Variants in SLC27A6 observed in about 807,000 individuals in gnomAD.
SLC27A6 encodes solute carrier family 27 member 6.
A neutral mutation model predicts 63.9 loss-of-function variants in SLC27A6; 74 were observed. That is an observed-to-expected ratio of 1.16 (90% CI 0.96 to 1.40). The LOEUF is 1.40. Ranked by LOEUF, SLC27A6 falls within the 40% of genes most tolerant of loss-of-function variation. The probability of loss-of-function intolerance (pLI) is 0.00; values close to 1 mark genes in which losing one functional copy is unlikely to be tolerated. For missense variants in SLC27A6, 794 were observed against 732.9 expected, an observed-to-expected ratio of 1.08 and a Z score of -0.96; for synonymous variants, 287 against 260.8, an observed-to-expected ratio of 1.10 and a Z score of -0.97.
At chr5:128,985,821 A>G (rs1048678719) in intron 2 of SLC27A6, among the ~76,000 whole-genome samples, 2 of 152,206 alleles carry the variant, frequency 1.3e-5, no homozygotes, top group Non-Finnish European at 2.9e-5. Context: ...ATTAAATCCT[A>G]AACATAATCC....
chr5:129,028,633 C>T (rs1190907995), intron 8 of SLC27A6, among the ~76,000 whole-genome samples, 191 bp downstream of exon 8: 1 of 150,660 alleles, frequency 6.6e-6, no homozygotes, highest in Non-Finnish European at 1.5e-5. Context: ...GGAAAGGTAC[C>T]AACTGAATTT....
chr5:128,982,578 A>G (rs184346060), intron 1 of SLC27A6, among the ~76,000 whole-genome samples: 9 of 152,360 alleles, frequency 5.9e-5, no homozygotes, highest in Admixed American at 5.9e-4. Context: ...TTGAAATTAA[A>G]GTAATGAGTC....
chr5:128,993,424 G>A (rs545552419), intron 4 of SLC27A6, among the ~76,000 whole-genome samples: 3 of 149,904 alleles, frequency 2.0e-5, no homozygotes, highest in South Asian at 2.1e-4. Context: ...AAGTAAATTC[G>A]ATTATTTACT....
intron 2 of SLC27A6, among the ~76,000 whole-genome samples, chr5:128,988,152 G>A (rs758161022): frequency 2.0e-5 from 3 of 152,130 alleles, no homozygotes; most frequent in Admixed American, 6.5e-5. Flanking sequence ...AAAGTCCTGC[G>A]TAAAAATGAC....
intron 2 of SLC27A6, among the ~76,000 whole-genome samples, chr5:128,988,268 T>C (rs1412121381): frequency 6.6e-6 from 1 of 152,174 alleles, no homozygotes; most frequent in Non-Finnish European, 1.5e-5. Flanking sequence ...CCAAATGCTC[T>C]TTATCAGATA....
intron 5 of SLC27A6, among the ~76,000 whole-genome samples, chr5:129,019,489 T>C (rs1049807550): frequency 4.0e-5 from 6 of 150,724 alleles, no homozygotes; most frequent in Non-Finnish European, 4.4e-5. Flanking sequence ...AAAAAATGAA[T>C]GCACATCAAA....
In SLC27A6 at chr5:129,006,354, T is replaced by A. The variant is rs536599737; in HGVS notation, c.970-9531T>A. Among the ~76,000 whole-genome samples, 23 of 152,146 alleles carry A rather than the reference T, an allele frequency of 1.5e-4. No individual in the cohort carries two copies. In the East Asian group the frequency reaches 4.5e-3, roughly 29 times the overall value. ...ATCTGCCCGCCTCGGTCTCCCAAAGTGCTGGGATTACAGGCATGAGCCACC... is the reference window on the plus strand; with the variant it reads ...ATCTGCCCGCCTCGGTCTCCCAAAGAGCTGGGATTACAGGCATGAGCCACC... On this transcript the variant is annotated intron_variant, in intron 4 of 9. Coordinates refer to ENST00000262462, the MANE Select transcript of SLC27A6 (RefSeq NM_001017372.3).
chr5:128,972,325 T>A (rs541913908), intron 1 of SLC27A6, among the ~76,000 whole-genome samples: 161 of 152,314 alleles, frequency 1.1e-3, no homozygotes, highest in African/African-American at 3.6e-3. Flanking sequence ...CTAGGTAGGG[T>A]AAGTTCTCCT....
At chr5:128,972,190 T>G (rs1024913537) in intron 1 of SLC27A6, among the ~76,000 whole-genome samples, 1 of 152,222 alleles carries the variant, frequency 6.6e-6, no homozygotes, top group Non-Finnish European at 1.5e-5. Flanking sequence ...CTGGCTGCCC[T>G]TAACATTTTT....
intron 4 of SLC27A6, among the ~76,000 whole-genome samples, chr5:129,000,454 T>C (rs1751296426): frequency 6.6e-6 from 1 of 152,162 alleles, no homozygotes; most frequent in East Asian, 1.9e-4. Context: ...GGGATACTTG[T>C]GTGCTCATGA....
chr5:129,027,790 A>G (rs2150155906), intron 7 of SLC27A6, among the ~76,000 whole-genome samples: 1 of 152,222 alleles, frequency 6.6e-6, no homozygotes, highest in South Asian at 2.1e-4. Flanking sequence ...TGAATAAGTA[A>G]CTTCCTACAT....
intron 7 of SLC27A6, 49 bp downstream of exon 7, chr5:129,027,380 G>T (rs1429877326): frequency 7.0e-7 from 1 of 1,419,160 alleles, no homozygotes; most frequent in Non-Finnish European, 9.9e-7. Context: ...TGTGAACCAT[G>T]CTTCTATAGA....
chr5:129,027,872 C>G (rs73242166), intron 7 of SLC27A6, among the ~76,000 whole-genome samples: 225 of 152,088 alleles, frequency 1.5e-3, no homozygotes, highest in African/African-American at 5.3e-3. Flanking sequence ...AATATTCATT[C>G]AAAAGCATTA....
intron 1 of SLC27A6, among the ~76,000 whole-genome samples, chr5:128,968,343 T>G (rs1749992075): frequency 6.6e-6 from 1 of 152,194 alleles, no homozygotes; most frequent in African/African-American, 2.4e-5. Context: ...CCACACCGTC[T>G]TCCACAATGG....
chr5:128,975,275 C>G (rs745762986), intron 1 of SLC27A6, among the ~76,000 whole-genome samples: 2 of 152,222 alleles, frequency 1.3e-5, no homozygotes, highest in Non-Finnish European at 2.9e-5. Context: ...CATTTGAACA[C>G]AGGAGGCAGA....
chr5:128,998,622 T>C (rs967283367), intron 4 of SLC27A6, among the ~76,000 whole-genome samples: 1 of 152,124 alleles, frequency 6.6e-6, no homozygotes, highest in African/African-American at 2.4e-5. Flanking sequence ...GATTATGTAT[T>C]CTTATTGTAG....
At chr5:128,985,724 T>C (rs1257015885) in intron 2 of SLC27A6, among the ~76,000 whole-genome samples, 1 of 152,220 alleles carries the variant, frequency 6.6e-6, no homozygotes, top group Non-Finnish European at 1.5e-5. Context: ...ATGAAGAAAT[T>C]AGTTTAAATA....
At chr5:129,007,305 G>A (rs1751574150) in intron 4 of SLC27A6, among the ~76,000 whole-genome samples, 1 of 151,690 alleles carries the variant, frequency 6.6e-6, no homozygotes, top group South Asian at 2.1e-4. Context: ...TTAGCCAGGT[G>A]TGGTGGCACG....
intron 4 of SLC27A6, among the ~76,000 whole-genome samples, chr5:129,014,328 A>G (rs1477167734): frequency 6.6e-6 from 1 of 152,198 alleles, no homozygotes; most frequent in African/African-American, 2.4e-5. Context: ...TTTATTGGGA[A>G]AATGAACAAA....
Sources: allele counts gnomAD v4.1 joint callset (sites outside exome capture counted in the v4.1 genomes callset), GRCh38; gene constraint gnomAD v4.1.1; transcripts MANE v1.5; gene names NCBI Gene and HGNC (gene_info 2026-07-23, HGNC 2026-07-21).